The following UPK1B variants were observed in gnomAD, a reference collection of about 807,000 sequenced individuals.
UPK1B encodes the protein uroplakin-1b.
In UPK1B, 28 loss-of-function variants were observed where a neutral mutation model predicts 34.2. The ratio of observed to expected loss-of-function variants is 0.82; its 90% CI spans 0.61 to 1.12. UPK1B has a LOEUF of 1.12. Among genes scored for constraint, UPK1B ranks in the 50% most tolerant of loss-of-function variants. The probability of loss-of-function intolerance (pLI) is 0.00; values close to 1 mark genes in which losing one functional copy is unlikely to be tolerated. For missense variants in UPK1B, 325 were observed against 320.9 expected (o/e 1.01, Z -0.10); for synonymous variants, 81 against 110.4 (o/e 0.73, Z 1.67).
In UPK1B at chr3:119,190,997, T is replaced by C. The variant is rs746408223; in HGVS notation, c.361T>C (p.Phe121Leu). ...CCTACTATAGTTCACACCCAACCTC[T>C]TCCTGAAGCAGATGCTAGAGAGGTA... ...TQQDFFTPNL[F>L]LKQMLERYQN... Residue 121 changes from phenylalanine to leucine, a missense_variant, in exon 5 of 8, where the codon TTC becomes CTC. Coordinates refer to ENST00000264234, the MANE Select transcript of UPK1B (RefSeq NM_006952.4). The C allele has an allele frequency of 5.6e-6, 9 of 1,613,848 alleles. No homozygotes were observed. Among genetic ancestry groups the C allele is most frequent in the Non-Finnish European group, 7.6e-6 (9 of 1,179,912 alleles).
intron 1 of UPK1B, among the ~76,000 whole-genome samples, chr3:119,180,338 C>G (rs1036762965): frequency 3.3e-5 from 5 of 152,328 alleles, no homozygotes; most frequent in East Asian, 3.9e-4. Flanking sequence ...TAAAGAATAT[C>G]TTCACAGCAA....
chr3:119,199,621 C>A (rs1202216541), intron 7 of UPK1B, among the ~76,000 whole-genome samples: 1 of 152,194 alleles, frequency 6.6e-6, no homozygotes, highest in Non-Finnish European at 1.5e-5. Context: ...GAGGTTGGAG[C>A]GGTGGTTCTC....
At chr3:119,179,670 C>T (rs1456419092) in intron 1 of UPK1B, among the ~76,000 whole-genome samples, 4 of 76,936 alleles carry the variant, frequency 5.2e-5, no homozygotes, top group East Asian at 6.7e-4. Context: ...CCACCACGCC[C>T]GGCTAACTTT....
chr3:119,198,663 A>C (rs572799458), intron 6 of UPK1B, among the ~76,000 whole-genome samples: 1 of 152,370 alleles, frequency 6.6e-6, no homozygotes, highest in African/African-American at 2.4e-5. Flanking sequence ...TTTTATTCAA[A>C]AACAAACAAA....
At chr3:119,196,514 T>C (rs374907630) in intron 6 of UPK1B, among the ~76,000 whole-genome samples, 3 of 150,636 alleles carry the variant, frequency 2.0e-5, no homozygotes, top group East Asian at 1.9e-4. Flanking sequence ...AAGAAGTGAA[T>C]AGTGAATGGT....
At position 119,204,225 on chromosome 3, in the gene UPK1B, T is replaced by G. The variant is rs2078108459; in HGVS notation, c.*258T>G. On this transcript the variant is annotated 3_prime_UTR_variant, in exon 8 of 8. Coordinates refer to ENST00000264234, the MANE Select transcript of UPK1B (RefSeq NM_006952.4). ...AATTTGAAAAATGCATAATAACTAC[T>G]TCCATCCCTGCTTATTTTTAATTTG... 2 of 441,460 alleles carry G rather than the reference T, an allele frequency of 4.5e-6. No homozygotes were observed. Among genetic ancestry groups the G allele is most frequent in the Non-Finnish European group, 8.0e-6 (2 of 249,048 alleles). 27.3% of individuals were successfully genotyped at this position (441,460 alleles called of 1,614,324 possible). A position where few individuals can be genotyped will look rare whatever the true frequency, so the allele number is the denominator to read the frequency against.
intron 6 of UPK1B, among the ~76,000 whole-genome samples, chr3:119,196,451 T>C (rs927414785): frequency 6.6e-6 from 1 of 152,214 alleles, no homozygotes; most frequent in Non-Finnish European, 1.5e-5. Context: ...TTTTAGTACT[T>C]AGCATAATGC....
At chr3:119,201,633 T>A (rs1017778856) in intron 7 of UPK1B, among the ~76,000 whole-genome samples, 7 of 152,090 alleles carry the variant, frequency 4.6e-5, no homozygotes, top group Admixed American at 1.3e-4. Flanking sequence ...CTAAACCATA[T>A]CACTATGCTT....
intron 1 of UPK1B, 97 bp from the exon 2 acceptor site, chr3:119,186,617 T>C: frequency 1.2e-6 from 1 of 833,296 alleles, no homozygotes; most frequent in Non-Finnish European, 1.9e-6. Context: ...TATATGGCTT[T>C]GGTTTGGATG....
At chr3:119,184,991 C>T (rs2078010597) in intron 1 of UPK1B, among the ~76,000 whole-genome samples, 1 of 152,264 alleles carries the variant, frequency 6.6e-6, no homozygotes, top group African/African-American at 2.4e-5. Context: ...CAACCAGCTA[C>T]ATGAGTAAGT....
At position 119,177,087 on chromosome 3, in the gene UPK1B, T is replaced by C. The variant is rs532796085; in HGVS notation, c.-29+3449T>C. ...GACATGGATGGCTCATGAAACTCAATGTGCCTCTTTTATATGAGCTTGCAT... is the reference window on the plus strand; with the variant it reads ...GACATGGATGGCTCATGAAACTCAACGTGCCTCTTTTATATGAGCTTGCAT... On this transcript the variant is annotated intron_variant, in intron 1 of 7. Transcript: ENST00000264234. 3.7e-4 allele frequency among the ~76,000 whole-genome samples: 56 copies of C among 152,344 alleles called. 1 individual carries two copies. The South Asian group carries it at 0.011, about 30-fold the overall frequency.
intron 6 of UPK1B, among the ~76,000 whole-genome samples, chr3:119,196,213 C>G (rs1418158969): frequency 6.6e-6 from 1 of 152,078 alleles, no homozygotes; most frequent in African/African-American, 2.4e-5. Flanking sequence ...CTGATTCTCC[C>G]TAGCCCAGCC....
At chr3:119,177,441 C>A (rs1336679747) in intron 1 of UPK1B, among the ~76,000 whole-genome samples, 1 of 152,216 alleles carries the variant, frequency 6.6e-6, no homozygotes. Context: ...AATAACACAT[C>A]ATGATCGTGA....
At position 119,201,509 on chromosome 3, in the gene UPK1B, C is replaced by T. The variant is rs536661429; in HGVS notation, c.732+2369C>T. ...TGAGACTTATTCCCTATCACGAGAA[C>T]GGCACAGAAAAAAACCCGGTCGCAT... On this transcript the variant is annotated intron_variant, in intron 7 of 7. Transcript: ENST00000264234. Among the ~76,000 whole-genome samples the T allele has an allele frequency of 1.1e-4, 16 of 152,194 alleles. No individual in the cohort carries two copies. In the South Asian group the frequency reaches 1.7e-3, roughly 16 times the overall value.
rs139789112 is a variant in UPK1B, at chr3:119,186,702, T to A, written c.-28-12T>A. Reference sequence around the variant, plus strand: ...AGAAACTGTAGCAGTTATTTGGTAATGCTTTCAACAGTGCCTTCAGCTTGT... The same window carrying A: ...AGAAACTGTAGCAGTTATTTGGTAAAGCTTTCAACAGTGCCTTCAGCTTGT... On this transcript the variant is annotated splice_polypyrimidine_tract_variant and intron_variant, in intron 1 of 7. Transcript: ENST00000264234. The A allele has an allele frequency of 6.2e-7, 1 of 1,605,912 alleles. No individual in the cohort carries two copies. The highest frequency in any genetic ancestry group is 8.5e-7 in the Non-Finnish European group (1 of 1,174,444).
At chr3:119,183,753 C>G (rs1451937226) in intron 1 of UPK1B, among the ~76,000 whole-genome samples, 1 of 152,162 alleles carries the variant, frequency 6.6e-6, no homozygotes, top group African/African-American at 2.4e-5. Flanking sequence ...GAAATGCAGA[C>G]CTGAAAAACC....
At chr3:119,179,398 T>TATATATATATATATATATA (rs71156734) in intron 1 of UPK1B, among the ~76,000 whole-genome samples, 4 of 58,896 alleles carry the variant, frequency 6.8e-5, no homozygotes, top group East Asian at 6.9e-4. Context: ...TATATATATA[T>TATATATATATATATATATA]TAATTCTAAG....
Position 119,190,309 on chromosome 3 carries a change from A to G in UPK1B, c.335A>G (p.Gln112Arg). 6.2e-7 allele frequency: 1 copy of G among 1,612,174 alleles called. No homozygotes were observed. The highest frequency in any genetic ancestry group is 1.1e-5 in the South Asian group (1 of 90,786). ...EVASCITAAT[Q>R]QDFFTPNLFL... is the part of the protein sequence containing the mutation. ...GCATCTTGTATCACAGCAGCAACAC[A>G]ACAAGACTTTGTGAGTACAACCTCA... The change falls in exon 4 of 8, where the codon CAA becomes CGA. Residue 112 changes from glutamine (Q) to arginine (R), a missense_variant. Coordinates refer to ENST00000264234, the MANE Select transcript of UPK1B (RefSeq NM_006952.4).
intron 1 of UPK1B, among the ~76,000 whole-genome samples, chr3:119,179,378 T>G (rs201635810): frequency 0.014 from 1,155 of 80,940 alleles, 68 homozygotes; most frequent in Middle Eastern, 0.086. Flanking sequence ...TATATATATA[T>G]ATATATATAT....
Sources: gnomAD v4.1 joint callset for allele counts (sites outside exome capture counted in the v4.1 genomes callset) on GRCh38, gnomAD v4.1.1 for gene constraint, MANE v1.5 for transcripts, NCBI Gene and HGNC (gene_info 2026-07-23, HGNC 2026-07-21) for gene names.